The following ABCA6 variants were observed in gnomAD, a reference collection of about 807,000 sequenced individuals.
The protein encoded by ABCA6 is ATP-binding cassette sub-family A member 6.
Under a neutral mutation model 191.2 loss-of-function variants are expected in ABCA6, and 164 were observed. That is an observed-to-expected ratio of 0.86 (90% confidence interval 0.76 to 0.98). The LOEUF (loss-of-function observed/expected upper bound fraction) is 0.98. Ranked by LOEUF, ABCA6 falls within the 50% of genes least tolerant of loss-of-function variation. The pLI, the probability that ABCA6 is intolerant of heterozygous loss-of-function variation, is 0.00. For synonymous variants in ABCA6, 636 were observed against 647.7 expected (o/e 0.98, Z 0.27); for missense variants, 1,958 against 1,894.1 (o/e 1.03, Z -0.63).
At chr17:69,090,806 A>G (rs2072906487) in intron 26 of ABCA6, among the ~76,000 whole-genome samples, 1 of 152,152 alleles carries the variant, frequency 6.6e-6, no homozygotes, top group South Asian at 2.1e-4. Flanking sequence ...TTTTCCCCCA[A>G]TCTGGCATTA....
In ABCA6 at chr17:69,093,360, C is replaced by T. The variant is rs998822509; in HGVS notation, c.3409-2098G>A. ...AAAGTTAAAAGAGAATACTAACTGT[C>T]CCAAGAAACATTAACCATATCTACT... On this transcript the variant is annotated intron_variant, in intron 25 of 38. Coordinates refer to ENST00000284425, the MANE Select transcript of ABCA6 (RefSeq NM_080284.3). Among the ~76,000 whole-genome samples, 8 of 152,286 alleles carry T rather than the reference C, an allele frequency of 5.3e-5. No homozygotes were observed. In the South Asian group the frequency reaches 1.5e-3, roughly 28 times the overall value.
At chr17:69,107,863 A>G in intron 17 of ABCA6, 51 bp from the exon 18 acceptor site, 1 of 1,007,392 alleles carries the variant, frequency 9.9e-7, no homozygotes, top group Non-Finnish European at 1.5e-6. Context: ...ATTGAGAACT[A>G]AACCAAGTAA....
At chr17:69,095,039 T>C (rs2073015226) in intron 25 of ABCA6, 1 of 170,590 alleles carries the variant, frequency 5.9e-6, no homozygotes, top group South Asian at 1.5e-4. Context: ...CTAAAACTAC[T>C]GGCAAACACT....
chr17:69,137,376 G>C lies in ABCA6; in HGVS notation c.221C>G (p.Ser74Cys). 1 of 1,613,668 alleles carries C rather than the reference G, an allele frequency of 6.2e-7. No individual in the cohort carries two copies. The highest frequency in any genetic ancestry group is 8.5e-7 in the Non-Finnish European group (1 of 1,179,768). ...LGRVDKFNSSSLMVVYTPISN... is the reference protein window; with the variant it reads ...LGRVDKFNSSCLMVVYTPISN... Reference sequence around the variant, plus strand: ...TATTGGTGTATACACAACCATTAAAGAAGAGCTATTAAATTTATCTACCCT... The same window carrying C: ...TATTGGTGTATACACAACCATTAAACAAGAGCTATTAAATTTATCTACCCT... The change falls in exon 3 of 39, where the codon TCT (serine) becomes TGT (cysteine). Residue 74 changes from serine (S) to cysteine (C), a missense_variant. Physicochemically the swap from Ser to Cys is moderately radical, Grantham distance 112. Transcript: ENST00000284425.
chr17:69,114,757 C>A lies in ABCA6; in HGVS notation c.1782+5G>T, dbSNP rs1393866212. ...AGGTCAGTTAATCCAAGCATGCCCT[C>A]CTACCTCTTGTTCCACTTCCTTTAG... is the stretch of plus-strand genomic sequence containing the variant. On this transcript the variant is annotated splice_donor_5th_base_variant and intron_variant, in intron 13 of 38. Transcript: ENST00000284425. The A allele has an allele frequency of 1.2e-6, 2 of 1,605,672 alleles. No individual in the cohort carries two copies. The highest frequency in any genetic ancestry group is 2.7e-5 in the African/African-American group (2 of 74,380).
chr17:69,096,879 T>C (rs2073059034), intron 23 of ABCA6, 78 bp from the exon 24 acceptor site: 1 of 1,198,640 alleles, frequency 8.3e-7, no homozygotes, highest in Non-Finnish European at 1.1e-6. Flanking sequence ...CACAAACACA[T>C]TGGAAGAATT....
At position 69,140,012 on chromosome 17, in the gene ABCA6, G is replaced by T. The variant is rs200026323; in HGVS notation, c.96+596C>A. Among the ~76,000 whole-genome samples the T allele has an allele frequency of 8.9e-4, 134 of 151,374 alleles. 2 individuals carry two copies. The East Asian group carries it at 0.025, about 28-fold the overall frequency. ...ACCTAATGCTAAATGGCGAGTTAAT[G>T]GGTGCAGCACACCAGCATGGCACAT... On this transcript the variant is annotated intron_variant, in intron 2 of 38. Coordinates refer to ENST00000284425, the MANE Select transcript of ABCA6 (RefSeq NM_080284.3).
At chr17:69,103,505 A>G (rs1445726653) in intron 20 of ABCA6, among the ~76,000 whole-genome samples, 1 of 152,178 alleles carries the variant, frequency 6.6e-6, no homozygotes, top group African/African-American at 2.4e-5. Flanking sequence ...AAAGGATGCC[A>G]TCATCAGATC....
At chr17:69,084,571 G>A in intron 32 of ABCA6, 64 bp from the exon 33 acceptor site, 3 of 1,411,048 alleles carry the variant, frequency 2.1e-6, no homozygotes, top group Non-Finnish European at 3.0e-6. Flanking sequence ...CAAGCACACA[G>A]AACAGTAACA....
At position 69,115,446 on chromosome 17, in the gene ABCA6, G is replaced by C. The variant is rs1362071788; in HGVS notation, c.1536C>G (p.Ile512Met). Reference sequence around the variant, plus strand: ...ATTTGCCAGCTCCACTGTGACCCAGGATTGCCGTGATTTGACCTTCATATA... The same window carrying C: ...ATTTGCCAGCTCCACTGTGACCCAGCATTGCCGTGATTTGACCTTCATATA... ...FDIYEGQITAILGHSGAGKSS... is the reference protein window; with the variant it reads ...FDIYEGQITAMLGHSGAGKSS... Residue 512 changes from isoleucine to methionine, a missense_variant, in exon 12 of 39, where the codon ATC becomes ATG. Coordinates refer to ENST00000284425, the MANE Select transcript of ABCA6 (RefSeq NM_080284.3). 6.2e-7 allele frequency: 1 copy of C among 1,611,782 alleles called. No individual in the cohort carries two copies. Among genetic ancestry groups the C allele is most frequent in the Non-Finnish European group, 8.5e-7 (1 of 1,178,834 alleles).
intron 10 of ABCA6, among the ~76,000 whole-genome samples, chr17:69,118,938 A>T (rs563108971): frequency 8.5e-4 from 129 of 151,556 alleles, no homozygotes; most frequent in Middle Eastern, 3.4e-3. Context: ...TCTCTCTCAC[A>T]CACACACACA....
At chr17:69,132,093 C>G (rs2073873901) in intron 6 of ABCA6, among the ~76,000 whole-genome samples, 1 of 151,966 alleles carries the variant, frequency 6.6e-6, no homozygotes, top group South Asian at 2.1e-4. Context: ...AAGATTCTCT[C>G]CATTAATAAA....
rs1278527846 is a variant in ABCA6, at chr17:69,113,414, C to T, written c.1903-54G>A. ...GTCTCTCTTTCACATTAACTGTATC[C>T]AGAAGATAGCATGAAAAACAATAAA... is the stretch of plus-strand genomic sequence containing the variant. On this transcript the variant is annotated intron_variant, in intron 14 of 38. Transcript: ENST00000284425. The T allele has an allele frequency of 2.6e-6, 4 of 1,547,102 alleles. No homozygotes were observed. In the Admixed American group the frequency reaches 8.7e-5, roughly 34 times the overall value.
rs570105593 is a variant in ABCA6 at position 69,108,037 on chromosome 17, T to C, written c.2273-225A>G. 313 of 450,860 alleles carry C rather than the reference T, an allele frequency of 6.9e-4. 3 individuals carry two copies. The highest frequency in any genetic ancestry group is 3.6e-3 in the South Asian group (137 of 37,828). The allele number at this position is 450,860 out of a possible 1,614,324, so 27.9% of individuals were successfully genotyped here. ...TCAAACTGTCTCACTTCATCTTCCA[T>C]TCTCAGTTTATGAGCTTCCTGCAGA... On this transcript the variant is annotated intron_variant, in intron 17 of 38. Coordinates refer to ENST00000284425, the MANE Select transcript of ABCA6 (RefSeq NM_080284.3).
chr17:69,089,353 T>G, intron 27 of ABCA6, 112 bp downstream of exon 27: 1 of 992,620 alleles, frequency 1.0e-6, no homozygotes, highest in Non-Finnish European at 1.5e-6. Flanking sequence ...GTGCTTTATC[T>G]AAGATCATAT....
In ABCA6 at chr17:69,096,815, AAAAG is replaced by A. The variant is rs755934382; in HGVS notation, c.3121-18_3121-15del. The stretch of plus-strand genomic sequence containing the variant: ...CTTAGCATTTTTCTGATTAAAAAAA[AAAAG>A]AAAGAAAGAAATGTATATAGATTCA... On this transcript the variant is annotated splice_polypyrimidine_tract_variant and intron_variant, in intron 23 of 38. Coordinates refer to ENST00000284425, the MANE Select transcript of ABCA6 (RefSeq NM_080284.3). 2.0e-5 allele frequency: 31 copies of A among 1,520,492 alleles called. No individual in the cohort carries two copies. The highest frequency in any genetic ancestry group is 2.7e-5 in the Non-Finnish European group (31 of 1,144,480). The allele number at this position is 1,520,492 out of a possible 1,614,324, so 94.2% of individuals were successfully genotyped here.
intron 37 of ABCA6, 119 bp from the exon 38 acceptor site, chr17:69,079,384 C>T (rs1427546260): frequency 4.7e-6 from 3 of 642,944 alleles, no homozygotes; most frequent in Non-Finnish European, 7.5e-6. Flanking sequence ...CTGAATAAGC[C>T]AATGCTTGAT....
chr17:69,080,844 T>C (rs2072612935), intron 37 of ABCA6, among the ~76,000 whole-genome samples: 1 of 152,162 alleles, frequency 6.6e-6, no homozygotes, highest in Non-Finnish European at 1.5e-5. Flanking sequence ...GCATGTGTGT[T>C]TCCTGCAGCT....
chr17:69,140,506 A>G, intron 2 of ABCA6, 102 bp downstream of exon 2: 1 of 561,838 alleles, frequency 1.8e-6, no homozygotes, highest in East Asian at 3.3e-5. Flanking sequence ...GGTAAAATCA[A>G]TAAATCCCAT....
Sources: gnomAD v4.1 joint callset for allele counts (sites outside exome capture counted in the v4.1 genomes callset) on GRCh38, gnomAD v4.1.1 for gene constraint, MANE v1.5 for transcripts, NCBI Gene and HGNC (gene_info 2026-07-23, HGNC 2026-07-21) for gene names.